Variants in CDK14 observed in about 807,000 individuals in gnomAD.
The protein encoded by CDK14 is cyclin dependent kinase 14.
In CDK14, 34 loss-of-function variants were observed where a neutral mutation model predicts 60.7. The ratio of observed to expected loss-of-function variants is 0.56; its 90% CI spans 0.43 to 0.75. CDK14 has a LOEUF of 0.75. Among genes scored for constraint, CDK14 ranks in the 30% least tolerant of loss-of-function variants. The pLI is 0.00. For missense variants in CDK14, 482 were observed against 564.1 expected (o/e 0.85, Z 1.47); for synonymous variants, 197 against 203.7 (o/e 0.97, Z 0.28).
intron 12 of CDK14, among the ~76,000 whole-genome samples, chr7:91,098,380 A>G (rs1261101424): frequency 2.0e-5 from 3 of 152,190 alleles, no homozygotes; most frequent in Non-Finnish European, 4.4e-5. Context: ...TTTTAGGGAT[A>G]GCATTAGGAG....
intron 5 of CDK14, among the ~76,000 whole-genome samples, chr7:90,839,906 T>C (rs1431784536): frequency 6.6e-6 from 1 of 152,184 alleles, no homozygotes; most frequent in East Asian, 1.9e-4. Flanking sequence ...GACAGACGGG[T>C]TTGCTTGCTG....
intron 14 of CDK14, among the ~76,000 whole-genome samples, chr7:91,160,830 T>G (rs950719805): frequency 2.6e-5 from 4 of 152,190 alleles, no homozygotes; most frequent in Non-Finnish European, 5.9e-5. Context: ...ATACAATTAC[T>G]CTTACAGGCC....
intron 5 of CDK14, among the ~76,000 whole-genome samples, chr7:90,808,991 A>G (rs1788978634): frequency 6.6e-6 from 1 of 152,212 alleles, no homozygotes; most frequent in African/African-American, 2.4e-5. Flanking sequence ...GAGACCTACG[A>G]AGAGACTTAG....
At chr7:90,761,547 G>A (rs1804311358) in intron 4 of CDK14, among the ~76,000 whole-genome samples, 1 of 152,104 alleles carries the variant, frequency 6.6e-6, no homozygotes, top group Non-Finnish European at 1.5e-5. Flanking sequence ...TAGGGAAGGA[G>A]CATTTCTAGT....
intron 11 of CDK14, among the ~76,000 whole-genome samples, chr7:91,047,535 C>T (rs1012480998): frequency 6.6e-6 from 1 of 152,218 alleles, no homozygotes; most frequent in South Asian, 2.1e-4. Context: ...TGCACTTGAT[C>T]GTATTGAATG....
chr7:91,201,059 T>C (rs1255788796), intron 14 of CDK14, among the ~76,000 whole-genome samples: 1 of 152,228 alleles, frequency 6.6e-6, no homozygotes, highest in Non-Finnish European at 1.5e-5. Flanking sequence ...TGAAAGCATG[T>C]AATTAATTGC....
In CDK14 at chr7:90,773,843, C is replaced by CCTCCTCTCCTCTCCTCTCCT. The variant is rs530779137; in HGVS notation, c.465-16697_465-16678dup. On this transcript the variant is annotated intron_variant, in intron 4 of 14. Coordinates refer to ENST00000380050, the MANE Select transcript of CDK14 (RefSeq NM_001287135.2). ...CTCCTCTGGCATAGGTCTTCTCTTC[C>CCTCCTCTCCTCTCCTCTCCT]CTCCTCTCCTCTCCTCTCCTCTCCT... Among the ~76,000 whole-genome samples the CCTCCTCTCCTCTCCTCTCCT allele has an allele frequency of 7.0e-3, 550 of 78,570 alleles. 3 individuals are homozygous for CCTCCTCTCCTCTCCTCTCCT. Among genetic ancestry groups the CCTCCTCTCCTCTCCTCTCCT allele is most frequent in the East Asian group, 0.013 (18 of 1,342 alleles). 51.5% of individuals were successfully genotyped at this position (78,570 alleles called of 152,430 possible). A position where few individuals can be genotyped will look rare whatever the true frequency, so the allele number is the denominator to read the frequency against.
chr7:90,939,848 C>T (rs1354277496), intron 8 of CDK14, among the ~76,000 whole-genome samples: 1 of 152,120 alleles, frequency 6.6e-6, no homozygotes, highest in Non-Finnish European at 1.5e-5. Context: ...CTTGGTTGTA[C>T]TAGTGAGAAT....
intron 8 of CDK14, among the ~76,000 whole-genome samples, chr7:90,946,718 G>T (rs1794112440): frequency 6.6e-6 from 1 of 152,126 alleles, no homozygotes; most frequent in African/African-American, 2.4e-5. Context: ...TTTTATTTCA[G>T]TGTTATTTAT....
intron 4 of CDK14, among the ~76,000 whole-genome samples, chr7:90,766,750 A>G (rs1459833294): frequency 6.6e-6 from 1 of 152,158 alleles, no homozygotes. Context: ...CAGATAGCTG[A>G]AAGAACACTC....
At chr7:91,034,338 TCA>T (rs34524135) in intron 10 of CDK14, among the ~76,000 whole-genome samples, 16,527 of 152,168 alleles carry the variant, frequency 0.11, 1,110 homozygotes, top group Non-Finnish European at 0.15. Context: ...AGGGGATAGG[TCA>T]CAGTCATTCG....
chr7:90,934,724 A>G (rs1202813364), intron 8 of CDK14, among the ~76,000 whole-genome samples: 2 of 152,230 alleles, frequency 1.3e-5, no homozygotes, highest in African/African-American at 2.4e-5. Flanking sequence ...TTCCTTAAAA[A>G]CTATTATTTT....
chr7:91,143,448 T>G (rs1156772200), intron 14 of CDK14, among the ~76,000 whole-genome samples: 1 of 152,150 alleles, frequency 6.6e-6, no homozygotes, highest in Non-Finnish European at 1.5e-5. Flanking sequence ...ATGGGTACAG[T>G]GGTTCATGCC....
At chr7:91,201,070 G>T (rs57696163) in intron 14 of CDK14, among the ~76,000 whole-genome samples, 2 of 151,822 alleles carry the variant, frequency 1.3e-5, no homozygotes, top group Non-Finnish European at 2.9e-5. Flanking sequence ...AATTAATTGC[G>T]TGCCTATCTT....
chr7:91,139,763 C>CTT (rs1367697375), intron 14 of CDK14, among the ~76,000 whole-genome samples: 1 of 139,984 alleles, frequency 7.1e-6, no homozygotes, highest in Admixed American at 7.2e-5. Flanking sequence ...CAGAACTTTT[C>CTT]TTTTCTTTTC....
At chr7:90,804,731 T>A (rs1051526565) in intron 5 of CDK14, among the ~76,000 whole-genome samples, 16 of 152,262 alleles carry the variant, frequency 1.1e-4, no homozygotes, top group Admixed American at 7.2e-4. Flanking sequence ...ATCAAGTAAC[T>A]GAATTCCTGG....
intron 5 of CDK14, among the ~76,000 whole-genome samples, chr7:90,837,859 G>C (rs868670904): frequency 3.3e-5 from 5 of 152,304 alleles, no homozygotes; most frequent in Middle Eastern, 6.8e-3. Flanking sequence ...TACAACATTA[G>C]TGTTAGAAGA....
intron 10 of CDK14, among the ~76,000 whole-genome samples, chr7:91,008,407 G>A (rs1212119313): frequency 1.3e-5 from 2 of 152,142 alleles, no homozygotes; most frequent in Non-Finnish European, 2.9e-5. Context: ...AAGACCAAAT[G>A]TAAACTTTCT....
intron 14 of CDK14, among the ~76,000 whole-genome samples, chr7:91,162,915 C>T (rs1316428386): frequency 3.3e-5 from 5 of 152,258 alleles, no homozygotes; most frequent in Non-Finnish European, 7.4e-5. Context: ...GTCGCTAGTG[C>T]CATCCCAACT....
Sources: allele counts gnomAD v4.1 joint callset (sites outside exome capture counted in the v4.1 genomes callset), GRCh38; gene constraint gnomAD v4.1.1; transcripts MANE v1.5; gene names NCBI Gene and HGNC (gene_info 2026-07-23, HGNC 2026-07-21).